Variants in CSMD1 observed in about 807,000 individuals in gnomAD.
The protein encoded by CSMD1 is CUB and Sushi multiple domains 1.
A neutral mutation model predicts 417.5 loss-of-function variants in CSMD1; 213 were observed. The observed-to-expected ratio is 0.51, with a 90% CI of 0.46 to 0.57. The LOEUF (loss-of-function observed/expected upper bound fraction) is 0.57. Ranked by LOEUF, CSMD1 falls within the 20% of genes least tolerant of loss-of-function variation. The pLI, the probability that CSMD1 is intolerant of heterozygous loss-of-function variation, is 0.00. For missense variants in CSMD1, 6,923 were observed against 4,529.7 expected (o/e 1.53, Z -15.17); for synonymous variants, 2,862 against 1,736.8 (o/e 1.65, Z -16.11).
intron 3 of CSMD1, among the ~76,000 whole-genome samples, chr8:4,314,901 G>T (rs775160175): frequency 6.6e-6 from 1 of 152,142 alleles, no homozygotes; most frequent in Admixed American, 6.5e-5. Context: ...ACATAATTGG[G>T]CTCCTAAAAA....
chr8:3,603,768 A>T (rs1049442073), intron 8 of CSMD1, among the ~76,000 whole-genome samples: 1 of 152,210 alleles, frequency 6.6e-6, no homozygotes, highest in African/African-American at 2.4e-5. Context: ...CAAATGTTTC[A>T]TCTATTAGTA....
At chr8:4,632,564 G>C (rs748602686) in intron 2 of CSMD1, among the ~76,000 whole-genome samples, 1 of 152,078 alleles carries the variant, frequency 6.6e-6, no homozygotes, top group African/African-American at 2.4e-5. Flanking sequence ...CACAGGAGAA[G>C]ACACATTCAG....
chr8:4,604,381 T>TTGTGTGTG (rs368710127), intron 2 of CSMD1, among the ~76,000 whole-genome samples: 207 of 91,616 alleles, frequency 2.3e-3, no homozygotes, highest in African/African-American at 4.8e-3. Flanking sequence ...ACAAATAGCA[T>TTGTGTGTG]TGTGTGTGTG....
Position 3,725,065 on chromosome 8 carries a change from G to A in CSMD1, c.932-16574C>T, listed in dbSNP as rs985009356. Among the ~76,000 whole-genome samples, 3 of 152,210 alleles carry A rather than the reference G, an allele frequency of 2.0e-5. No individual in the cohort carries two copies. The East Asian group carries it at 5.8e-4, about 29-fold the overall frequency. ...CTCTCCAGACGACTAGAGGAGTGAGGCAGGAGGTTAAGGGCCCTCAGCATA... is the reference window on the plus strand; with the variant it reads ...CTCTCCAGACGACTAGAGGAGTGAGACAGGAGGTTAAGGGCCCTCAGCATA... On this transcript the variant is annotated intron_variant, in intron 6 of 69. Coordinates refer to ENST00000635120, the MANE Select transcript of CSMD1 (RefSeq NM_033225.6).
chr8:3,395,179 G>A (rs192196054), intron 17 of CSMD1, among the ~76,000 whole-genome samples: 9 of 152,230 alleles, frequency 5.9e-5, no homozygotes, highest in Admixed American at 2.6e-4. Flanking sequence ...AAAATCATAC[G>A]TGTGGGTATA....
At chr8:4,934,838 C>G (rs976600500) in intron 1 of CSMD1, among the ~76,000 whole-genome samples, 2 of 152,106 alleles carry the variant, frequency 1.3e-5, no homozygotes, top group African/African-American at 4.8e-5. Context: ...TATCATCCAT[C>G]TATCAATCAA....
intron 5 of CSMD1, among the ~76,000 whole-genome samples, chr8:3,888,220 T>C (rs1806696779): frequency 6.6e-6 from 1 of 152,076 alleles, no homozygotes; most frequent in South Asian, 2.1e-4. Flanking sequence ...AACCTAGACA[T>C]AAAGTTAGAG....
chr8:4,240,998 C>G (rs554990169), intron 3 of CSMD1, among the ~76,000 whole-genome samples: 4 of 152,282 alleles, frequency 2.6e-5, no homozygotes, highest in Non-Finnish European at 5.9e-5. Flanking sequence ...CAGCCAACGT[C>G]TCAGTGAAAA....
At chr8:4,342,090 T>C (rs1800508855) in intron 3 of CSMD1, among the ~76,000 whole-genome samples, 1 of 152,080 alleles carries the variant, frequency 6.6e-6, no homozygotes, top group Admixed American at 6.6e-5. Context: ...GCGCAAGCCA[T>C]CTCTATGTTT....
chr8:3,144,850 C>A (rs1818744162), intron 40 of CSMD1, among the ~76,000 whole-genome samples: 1 of 145,680 alleles, frequency 6.9e-6, no homozygotes, highest in East Asian at 2.0e-4. Flanking sequence ...GGTCCAGGGG[C>A]TCCTGTGTCC....
chr8:3,536,494 T>C lies in CSMD1; in HGVS notation c.1344+38451A>G, dbSNP rs547322782. Among the ~76,000 whole-genome samples, 144 of 152,348 alleles carry C rather than the reference T, an allele frequency of 9.5e-4. 1 individual carries two copies. Among genetic ancestry groups the C allele is most frequent in the African/African-American group, 3.3e-3 (136 of 41,584 alleles). The stretch of plus-strand genomic sequence containing the variant: ...TTTCCTCTTTGATTAATGGGGATTA[T>C]GTTTTTTCCTCTCCAGGGTATCTTC... On this transcript the variant is annotated intron_variant, in intron 10 of 69. Transcript: ENST00000635120.
intron 10 of CSMD1, among the ~76,000 whole-genome samples, chr8:3,550,006 A>G (rs987101470): frequency 1.3e-5 from 2 of 152,222 alleles, no homozygotes; most frequent in African/African-American, 4.8e-5. Context: ...CTTATGTTTT[A>G]ATGACCACCT....
chr8:4,653,366 C>T (rs892396978), intron 1 of CSMD1, among the ~76,000 whole-genome samples: 2 of 152,064 alleles, frequency 1.3e-5, no homozygotes, highest in African/African-American at 4.8e-5. Flanking sequence ...TCTTTCCGTG[C>T]TGCAGTAGAA....
At chr8:4,204,256 A>C (rs996219659) in intron 3 of CSMD1, among the ~76,000 whole-genome samples, 1 of 151,930 alleles carries the variant, frequency 6.6e-6, no homozygotes, top group African/African-American at 2.4e-5. Context: ...CCATTTATGC[A>C]ATGCTAGGAA....
chr8:3,699,171 A>T (rs758448774), intron 7 of CSMD1, among the ~76,000 whole-genome samples: 8 of 152,256 alleles, frequency 5.3e-5, no homozygotes, highest in Admixed American at 1.3e-4. Context: ...ATGGAGGAAA[A>T]TTAGTACATT....
chr8:4,847,363 A>G (rs1461039045), intron 1 of CSMD1, among the ~76,000 whole-genome samples: 3 of 152,182 alleles, frequency 2.0e-5, no homozygotes, highest in Non-Finnish European at 4.4e-5. Flanking sequence ...CTAACATCAC[A>G]TTTTCAGATA....
intron 1 of CSMD1, among the ~76,000 whole-genome samples, chr8:4,980,170 C>T (rs1404424461): frequency 6.6e-6 from 1 of 152,222 alleles, no homozygotes; most frequent in African/African-American, 2.4e-5. Flanking sequence ...ACAGAGAGTT[C>T]TGTGTCACCA....
chr8:4,833,697 C>G (rs1421669673), intron 1 of CSMD1, among the ~76,000 whole-genome samples: 1 of 152,168 alleles, frequency 6.6e-6, no homozygotes, highest in Non-Finnish European at 1.5e-5. Context: ...GGATCAATAT[C>G]TAGTGGAAGG....
At chr8:4,633,152 A>C (rs1415223409) in intron 2 of CSMD1, among the ~76,000 whole-genome samples, 1 of 152,176 alleles carries the variant, frequency 6.6e-6, no homozygotes, top group Non-Finnish European at 1.5e-5. Flanking sequence ...CGCTCAGGAC[A>C]GCCTGTGCCA....
Sources: allele counts gnomAD v4.1 joint callset (sites outside exome capture counted in the v4.1 genomes callset), GRCh38; gene constraint gnomAD v4.1.1; transcripts MANE v1.5; gene names NCBI Gene and HGNC (gene_info 2026-07-23, HGNC 2026-07-21).